The following IRS1 variants were observed in gnomAD, a reference collection of about 807,000 sequenced individuals.
IRS1 encodes the protein insulin receptor substrate 1.
Under a neutral mutation model 65.6 loss-of-function variants are expected in IRS1, and 34 were observed. That is an observed-to-expected ratio of 0.52 (90% CI 0.39 to 0.69). The LOEUF (loss-of-function observed/expected upper bound fraction) is 0.69, where lower values mean the gene tolerates loss of function less well. Among genes scored for constraint, IRS1 ranks in the 30% least tolerant of loss-of-function variants. The pLI is 0.00. For missense variants in IRS1, 1,641 were observed against 1,720.2 expected, an observed-to-expected ratio of 0.95 and a Z score of 0.81; for synonymous variants, 699 against 683.5, an observed-to-expected ratio of 1.02 and a Z score of -0.35.
Position 226,795,583 on chromosome 2 carries a change from C to T in IRS1, c.3156G>A (p.Glu1052=), listed in dbSNP as rs1292280581. ...ASPTGPQGAA[E]LAAHSSLLGG... is the part of the protein sequence containing the mutation. ...CCAGCAGGGACGAGTGGGCAGCCAGCTCTGCTGCCCCTTGAGGCCCAGTCG... is the reference window on the plus strand; with the variant it reads ...CCAGCAGGGACGAGTGGGCAGCCAGTTCTGCTGCCCCTTGAGGCCCAGTCG... The change falls in exon 1 of 2, where the codon GAG becomes GAA. Residue 1052 remains glutamate, a synonymous_variant. Coordinates refer to ENST00000305123, the MANE Select transcript of IRS1 (RefSeq NM_005544.3). 6.2e-7 allele frequency: 1 copy of T among 1,612,618 alleles called. No individual in the cohort carries two copies. Among genetic ancestry groups the T allele is most frequent in the East Asian group, 2.2e-5 (1 of 44,876 alleles).
intron 1 of IRS1, among the ~76,000 whole-genome samples, chr2:226,741,035 T>A (rs1387066720): frequency 6.6e-6 from 1 of 151,920 alleles, no homozygotes; most frequent in Non-Finnish European, 1.5e-5. Flanking sequence ...ATACAGAAAA[T>A]GTATAAAATA....
At chr2:226,740,495 C>T (rs1938416050) in intron 1 of IRS1, among the ~76,000 whole-genome samples, 1 of 152,122 alleles carries the variant, frequency 6.6e-6, no homozygotes, top group African/African-American at 2.4e-5. Context: ...CAAATAAAGA[C>T]TTTGCTTCCT....
chr2:226,777,202 T>C (rs73992212), intron 1 of IRS1, among the ~76,000 whole-genome samples: 12,212 of 152,256 alleles, frequency 0.08, 835 homozygotes, highest in African/African-American at 0.19. Context: ...ACAAATGTAT[T>C]ATACTAATGC....
chr2:226,737,240 A>G (rs902683679), intron 1 of IRS1, among the ~76,000 whole-genome samples: 1 of 151,568 alleles, frequency 6.6e-6, no homozygotes, highest in Non-Finnish European at 1.5e-5. Flanking sequence ...ATGATTTCCA[A>G]TTTCATCCAT....
chr2:226,791,889 G>A (rs1054252825), intron 1 of IRS1, among the ~76,000 whole-genome samples: 1 of 152,078 alleles, frequency 6.6e-6, no homozygotes, highest in African/African-American at 2.4e-5. Context: ...ACCCGAGGGC[G>A]GTCTGGCTGC....
At chr2:226,782,779 T>C (rs998393778) in intron 1 of IRS1, among the ~76,000 whole-genome samples, 1 of 152,178 alleles carries the variant, frequency 6.6e-6, no homozygotes, top group South Asian at 2.1e-4. Context: ...GGTGGGCAGA[T>C]CACTTGAGGT....
chr2:226,755,623 A>G (rs1356130107), intron 1 of IRS1, among the ~76,000 whole-genome samples: 1 of 152,254 alleles, frequency 6.6e-6, no homozygotes, highest in Non-Finnish European at 1.5e-5. Context: ...GGTGCTCTGA[A>G]GCTGGATGAA....
chr2:226,752,082 C>T (rs1938695879), intron 1 of IRS1, among the ~76,000 whole-genome samples: 1 of 152,162 alleles, frequency 6.6e-6, no homozygotes, highest in South Asian at 2.1e-4. Context: ...TGCTTGCTCC[C>T]ATTTTCTGCT....
chr2:226,732,548 A>ATATATATATATATATGTGTG lies in IRS1; in HGVS notation c.*3723_*3724insCACACATATATATATATATA, dbSNP rs1938243440. 6.7e-6 allele frequency: 1 copy of ATATATATATATATATGTGTG among 148,858 alleles called. No individual in the cohort carries two copies. Among genetic ancestry groups the ATATATATATATATATGTGTG allele is most frequent in the Non-Finnish European group, 1.5e-5 (1 of 67,396 alleles). The allele number at this position is 148,858 out of a possible 1,614,324, so 9.2% of individuals were successfully genotyped here. A position where few individuals can be genotyped will look rare whatever the true frequency, so the allele number is the denominator to read the frequency against. ...TGTGTATATATATCTATATATGTGTATATATATCTATATATGTGTGTATAT... is the reference window on the plus strand; with the variant it reads ...TGTGTATATATATCTATATATGTGTATATATATATATATATGTGTGTATATATCTATATATGTGTGTATAT... On this transcript the variant is annotated 3_prime_UTR_variant, in exon 2 of 2. Transcript: ENST00000305123.
intron 1 of IRS1, among the ~76,000 whole-genome samples, chr2:226,781,756 G>A (rs1939386040): frequency 6.6e-6 from 1 of 151,876 alleles, no homozygotes; most frequent in African/African-American, 2.4e-5. Flanking sequence ...GACTTGTGAG[G>A]GACTAAAGGC....
intron 1 of IRS1, among the ~76,000 whole-genome samples, chr2:226,774,654 C>T (rs1022690718): frequency 1.3e-5 from 2 of 152,218 alleles, no homozygotes; most frequent in Non-Finnish European, 2.9e-5. Context: ...TGAGACCTGA[C>T]TTCACAAATG....
intron 1 of IRS1, among the ~76,000 whole-genome samples, chr2:226,790,333 TAA>T (rs775489902): frequency 6.3e-5 from 9 of 141,894 alleles, no homozygotes; most frequent in Non-Finnish European, 7.7e-5. Context: ...AATTGTGATT[TAA>T]AAAAAAAAAA....
intron 1 of IRS1, among the ~76,000 whole-genome samples, chr2:226,762,002 A>C (rs1938925110): frequency 6.6e-6 from 1 of 152,238 alleles, no homozygotes; most frequent in Non-Finnish European, 1.5e-5. Flanking sequence ...AGTCAGAAAG[A>C]ACTAAAATGG....
Position 226,733,065 on chromosome 2 carries a change from C to A in IRS1, c.*3207G>T, listed in dbSNP as rs933388135. 2.0e-5 allele frequency: 3 copies of A among 152,086 alleles called. No individual in the cohort carries two copies. The highest frequency in any genetic ancestry group is 1.9e-4 in the East Asian group (1 of 5,188). 9.4% of individuals were successfully genotyped at this position (152,086 alleles called of 1,614,324 possible). A position where few individuals can be genotyped will look rare whatever the true frequency, so the allele number is the denominator to read the frequency against. On this transcript the variant is annotated 3_prime_UTR_variant, in exon 2 of 2. Transcript: ENST00000305123. Reference sequence around the variant, plus strand: ...GTCAGTGGATGGTGAAACCCTTTCCCCCCTTTTTTTAACCACCTGCAGTAA... The same window carrying A: ...GTCAGTGGATGGTGAAACCCTTTCCACCCTTTTTTTAACCACCTGCAGTAA...
rs1939703323 is a variant in IRS1 at position 226,795,668 on chromosome 2, A to T, written c.3071T>A (p.Val1024Glu). 3 of 1,612,664 alleles carry T rather than the reference A, an allele frequency of 1.9e-6. No homozygotes were observed. The change falls in exon 1 of 2, where the codon GTG becomes GAG. Residue 1024 changes from valine to glutamate, a missense_variant. By Grantham distance (121) the Val-to-Glu change is moderately radical. Around this residue, in one of 3 missense-constraint regions of IRS1, gnomAD observed 1,324 missense variants for 1,361.0 expected, o/e 0.97. Transcript: ENST00000305123. ...DMRTGIAAEE[V>E]SLPRATMAAA... ...AGCCATGGTGGCCCTGGGCAGGCTC[A>T]CCTCCTCTGCAGCAATGCCTGTTCG...
chr2:226,743,315 C>T lies in IRS1; in HGVS notation c.*22-7065G>A, dbSNP rs1188191474. Among the ~76,000 whole-genome samples the T allele has an allele frequency of 2.0e-5, 3 of 151,992 alleles. No individual in the cohort carries two copies. The South Asian group carries it at 6.2e-4, about 32-fold the overall frequency. ...TGCCATTTCAGCTCACTGCAACCTG[C>T]CCCTCCTGGGTTCAAGCAAGTCTCC... On this transcript the variant is annotated intron_variant, in intron 1 of 1. Coordinates refer to ENST00000305123, the MANE Select transcript of IRS1 (RefSeq NM_005544.3).
intron 1 of IRS1, among the ~76,000 whole-genome samples, chr2:226,772,562 C>T (rs1411678895): frequency 6.6e-6 from 1 of 151,690 alleles, no homozygotes; most frequent in Non-Finnish European, 1.5e-5. Flanking sequence ...TGAACAGTAG[C>T]GTATAATTTG....
intron 1 of IRS1, among the ~76,000 whole-genome samples, chr2:226,749,558 T>G (rs1938630559): frequency 6.6e-6 from 1 of 152,192 alleles, no homozygotes; most frequent in Non-Finnish European, 1.5e-5. Context: ...GAAGTTGACT[T>G]GAGAACCATT....
At chr2:226,744,844 G>T (rs941697096) in intron 1 of IRS1, among the ~76,000 whole-genome samples, 1 of 152,054 alleles carries the variant, frequency 6.6e-6, no homozygotes, top group Non-Finnish European at 1.5e-5. Flanking sequence ...AGCAAAAAAG[G>T]TTTAGCCTTT....
Sources: allele counts gnomAD v4.1 joint callset (sites outside exome capture counted in the v4.1 genomes callset), GRCh38; gene constraint gnomAD v4.1.1; regional missense constraint gnomAD v4.1.1; transcripts MANE v1.5; gene names NCBI Gene and HGNC (gene_info 2026-07-23, HGNC 2026-07-21).